PSG3: variants seen among roughly 807,000 people sequenced by gnomAD.
PSG3 encodes the protein pregnancy specific beta-1-glycoprotein 3, also known as pregnancy-specific beta-1-glycoprotein 3.
In PSG3, 61 loss-of-function variants were observed where a neutral mutation model predicts 47.5. The observed-to-expected ratio is 1.28, with a 90% confidence interval of 1.05 to 1.59. The LOEUF is 1.59. Among genes scored for constraint, PSG3 ranks in the 40% most tolerant of loss-of-function variants. PSG3 has a pLI of 0.00. For missense variants in PSG3, 756 were observed against 524.0 expected (o/e 1.44, Z -4.32); for synonymous variants, 263 against 198.4 (o/e 1.33, Z -2.74).
chr19:42,728,915 C>A (rs1969417991), intron 5 of PSG3, among the ~76,000 whole-genome samples: 2 of 152,070 alleles, frequency 1.3e-5, no homozygotes, highest in African/African-American at 4.8e-5. Context: ...CTTTCTCAGG[C>A]CAGACACAAG....
chr19:42,739,321 C>G lies in PSG3; in HGVS notation c.65-232G>C, dbSNP rs552411964. The G allele has an allele frequency of 1.7e-3, 1,302 of 750,454 alleles. 5 individuals are homozygous for G. Among genetic ancestry groups the G allele is most frequent in the Middle Eastern group, 8.2e-3 (19 of 2,326 alleles). 46.5% of individuals were successfully genotyped at this position (750,454 alleles called of 1,614,324 possible). On this transcript the variant is annotated intron_variant, in intron 1 of 6. Transcript: ENST00000327495. ...CCCCCATTCCTTCAACACTTCTGAC[C>G]TTGGCATTTTTCTGTTTGGAATCCT...
At chr19:42,731,716 T>C (rs530033283) in intron 3 of PSG3, among the ~76,000 whole-genome samples, 428 of 151,846 alleles carry the variant, frequency 2.8e-3, no homozygotes, top group Non-Finnish European at 5.1e-3. Context: ...ACTTTGGGAA[T>C]ATTATCTTTC....
In PSG3 at chr19:42,729,917, A is replaced by G; in HGVS notation, c.849T>C (p.Ser283=). Residue 283 remains serine (S), a synonymous_variant, in exon 4 of 7, where the codon AGT becomes AGC. Transcript: ENST00000327495. Reference sequence around the variant, plus strand: ...TTTCAATGGGTCGCTTTACCCTGGGACTGACCGGGAGGCTCTGACCATTTA... The same window carrying G: ...TTTCAATGGGTCGCTTTACCCTGGGGCTGACCGGGAGGCTCTGACCATTTA... ...WWLNGQSLPV[S]PRVKRPIENR... 2 of 1,612,096 alleles carry G rather than the reference A, an allele frequency of 1.2e-6. No individual in the cohort carries two copies.
Position 42,739,017 on chromosome 19 carries a change from G to T in PSG3, c.137C>A (p.Ser46Tyr). The T allele has an allele frequency of 6.2e-7, 1 of 1,613,936 alleles. No homozygotes were observed. The highest frequency in any genetic ancestry group is 8.5e-7 in the Non-Finnish European group (1 of 1,179,902). Residue 46 changes from serine to tyrosine, a missense_variant, in exon 2 of 7, where the codon TCC (serine) becomes TAC (tyrosine). Physicochemically the swap from Ser to Tyr is moderately radical, Grantham distance 144. Transcript: ENST00000327495. ...AAGTAGAAGAACGTCCTTCCCCTTG[G>T]AAACTTTGGTTGGCTCGGCTTCAAT... ...VTIEAEPTKV[S>Y]KGKDVLLLVH...
At position 42,724,020 on chromosome 19, in the gene PSG3, A is replaced by G; in HGVS notation, c.1249T>C (p.Ser417Pro). Residue 417 changes from serine to proline, a missense_variant, in exon 6 of 7, where the codon TCA (serine) becomes CCA (proline). Coordinates refer to ENST00000327495, the MANE Select transcript of PSG3 (RefSeq NM_021016.4). The part of the protein sequence containing the change: ...KSMTVKVSAP[S>P]GTGHLPGLNP... The stretch of plus-strand genomic sequence containing the variant: ...AGGCCAGGAAGATGTCCTGTTCCTG[A>G]AGGAGCTGTCATGGAAAAAAAAGAA... 6.2e-7 allele frequency: 1 copy of G among 1,611,480 alleles called. No homozygotes were observed.
chr19:42,722,274 G>A (rs915043525), intron 6 of PSG3, among the ~76,000 whole-genome samples, 184 bp from the exon 7 acceptor site: 7 of 151,492 alleles, frequency 4.6e-5, no homozygotes, highest in Non-Finnish European at 8.8e-5. Context: ...TTTTTGAGAC[G>A]GAGTCTCACT....
In PSG3 at chr19:42,722,089, G is replaced by C. The variant is rs756237070; in HGVS notation, c.*42C>G. Reference sequence around the variant, plus strand: ...ACTTTGAGGAAGAATGAAAGCAACTGTCTGGGAATGACAAAGATTTAAAAT... The same window carrying C: ...ACTTTGAGGAAGAATGAAAGCAACTCTCTGGGAATGACAAAGATTTAAAAT... On this transcript the variant is annotated splice_region_variant and 3_prime_UTR_variant, in exon 7 of 7. Coordinates refer to ENST00000327495, the MANE Select transcript of PSG3 (RefSeq NM_021016.4). 2 of 413,528 alleles carry C rather than the reference G, an allele frequency of 4.8e-6. No homozygotes were observed. Among genetic ancestry groups the C allele is most frequent in the Non-Finnish European group, 4.4e-6 (1 of 225,978 alleles). 25.6% of individuals were successfully genotyped at this position (413,528 alleles called of 1,614,324 possible).
Position 42,729,004 on chromosome 19 carries a change from G to T in PSG3, c.1243+119C>A, listed in dbSNP as rs1366616755. 7 of 1,584,822 alleles carry T rather than the reference G, an allele frequency of 4.4e-6. No individual in the cohort carries two copies. In the East Asian group the frequency reaches 1.6e-4, roughly 35 times the overall value. ...TGGGAGGGTTCAGGAGGAGAATTTG[G>T]GATTTGCTTGTGCCCATGGGACACA... On this transcript the variant is annotated intron_variant, in intron 5 of 6. Coordinates refer to ENST00000327495, the MANE Select transcript of PSG3 (RefSeq NM_021016.4).
intron 1 of PSG3, among the ~76,000 whole-genome samples, chr19:42,739,694 G>T (rs569269149): frequency 6.6e-6 from 1 of 151,302 alleles, no homozygotes; most frequent in Non-Finnish European, 1.5e-5. Flanking sequence ...CAGTTGTTGA[G>T]GTTTTTTTGC....
Position 42,723,929 on chromosome 19 carries a change from A to T in PSG3, c.*40+13T>A. 1 of 1,549,424 alleles carries T rather than the reference A, an allele frequency of 6.5e-7. No individual in the cohort carries two copies. Among genetic ancestry groups the T allele is most frequent in the South Asian group, 1.1e-5 (1 of 89,710 alleles). On this transcript the variant is annotated intron_variant, in intron 6 of 6. Transcript: ENST00000327495. ...CCCTGCAGGAACCAGGATAAGAGGA[A>T]AGGTCATCATACCTGCCAGTCTTCC... is the stretch of plus-strand genomic sequence containing the variant.
intron 2 of PSG3, among the ~76,000 whole-genome samples, chr19:42,735,356 C>T (rs888717271): frequency 3.3e-5 from 5 of 151,940 alleles, no homozygotes; most frequent in African/African-American, 1.2e-4. Flanking sequence ...AAGCATTCTT[C>T]ATGTCTCTAA....
rs1568748110 is a variant in PSG3, at chr19:42,729,010, G to A, written c.1243+113C>T. The A allele has an allele frequency of 2.5e-6, 4 of 1,590,376 alleles. No individual in the cohort carries two copies. The South Asian group carries it at 3.5e-5, about 14-fold the overall frequency. On this transcript the variant is annotated intron_variant, in intron 5 of 6. Coordinates refer to ENST00000327495, the MANE Select transcript of PSG3 (RefSeq NM_021016.4). ...GGTTCAGGAGGAGAATTTGGGATTT[G>A]CTTGTGCCCATGGGACACAGGCTGG... is the stretch of plus-strand genomic sequence containing the variant.
chr19:42,734,546 CA>C (rs1969530147), intron 2 of PSG3, among the ~76,000 whole-genome samples: 1 of 152,128 alleles, frequency 6.6e-6, no homozygotes, highest in East Asian at 1.9e-4. Context: ...GAAATGTTTT[CA>C]TAAGTGGAAA....
intron 5 of PSG3, among the ~76,000 whole-genome samples, chr19:42,728,144 T>C (rs944362110): frequency 6.6e-6 from 1 of 152,200 alleles, no homozygotes; most frequent in African/African-American, 2.4e-5. Context: ...TTACTGTTTA[T>C]TGGCTACAGA....
intron 3 of PSG3, 133 bp from the exon 4 acceptor site, chr19:42,730,189 G>A: frequency 6.8e-7 from 1 of 1,477,714 alleles, no homozygotes; most frequent in East Asian, 2.3e-5. Context: ...TGGTGCGTGT[G>A]TCACAAGACA....
intron 3 of PSG3, 67 bp from the exon 4 acceptor site, chr19:42,730,123 A>T: frequency 1.3e-6 from 2 of 1,594,594 alleles, no homozygotes; most frequent in Middle Eastern, 2.1e-4. Context: ...GCATCCTTCA[A>T]TCAGAGTTGG....
chr19:42,730,392 T>C (rs969483449), intron 3 of PSG3, among the ~76,000 whole-genome samples: 8 of 152,206 alleles, frequency 5.3e-5, no homozygotes, highest in African/African-American at 1.9e-4. Context: ...CTGGGTTCCT[T>C]ACCTGGAATG....
chr19:42,726,275 T>A (rs1257960459), intron 5 of PSG3, among the ~76,000 whole-genome samples: 1 of 152,092 alleles, frequency 6.6e-6, no homozygotes, highest in Non-Finnish European at 1.5e-5. Context: ...TTCAACATAG[T>A]ATTGAAAGGT....
chr19:42,723,825 G>C, intron 6 of PSG3, 117 bp downstream of exon 6: 1 of 791,174 alleles, frequency 1.3e-6, no homozygotes, highest in South Asian at 1.6e-5. Flanking sequence ...TGAGAAGCAG[G>C]AGTTAGTGGA....
Sources: allele counts gnomAD v4.1 joint callset (sites outside exome capture counted in the v4.1 genomes callset), GRCh38; gene constraint gnomAD v4.1.1; transcripts MANE v1.5; gene names NCBI Gene and HGNC (gene_info 2026-07-23, HGNC 2026-07-21).